Variants in DLC1 observed in about 807,000 individuals in gnomAD.
The protein encoded by DLC1 is DLC1 Rho GTPase activating protein.
Under a neutral mutation model 140.3 loss-of-function variants are expected in DLC1, and 54 were observed. The ratio of observed to expected loss-of-function variants is 0.38; its 90% confidence interval spans 0.31 to 0.48. The LOEUF (loss-of-function observed/expected upper bound fraction) is 0.48, where lower values mean the gene tolerates loss of function less well. Ranked by LOEUF, DLC1 falls within the 20% of genes least tolerant of loss-of-function variation. DLC1 has a pLI of 0.96. For missense variants in DLC1, 2,536 were observed against 1,907.0 expected (o/e 1.33, Z -6.14); for synonymous variants, 986 against 728.1 (o/e 1.35, Z -5.70).
At chr8:13,571,153 G>T (rs1188856817) in intron 1 of DLC1, among the ~76,000 whole-genome samples, 2 of 152,132 alleles carry the variant, frequency 1.3e-5, no homozygotes, top group Non-Finnish European at 2.9e-5. Context: ...GAACACCAAA[G>T]ATAGTTTATT....
chr8:13,487,388 C>G (rs1429138167), intron 2 of DLC1, among the ~76,000 whole-genome samples: 7 of 151,946 alleles, frequency 4.6e-5, no homozygotes, highest in Non-Finnish European at 8.8e-5. Flanking sequence ...ATTTTGTGCC[C>G]TAAATTGACA....
chr8:13,393,869 C>T (rs1280476764), intron 3 of DLC1, among the ~76,000 whole-genome samples, 176 bp from the exon 4 acceptor site: 3 of 152,158 alleles, frequency 2.0e-5, no homozygotes, highest in Non-Finnish European at 4.4e-5. Flanking sequence ...TTGGTAAGAA[C>T]CATTGTACTC....
At chr8:13,315,344 T>C (rs759210847) in intron 4 of DLC1, among the ~76,000 whole-genome samples, 1 of 152,338 alleles carries the variant, frequency 6.6e-6, no homozygotes, top group African/African-American at 2.4e-5. Flanking sequence ...AATCAAATAA[T>C]AGCCAAACAT....
chr8:13,246,959 T>C (rs998031262), intron 5 of DLC1, among the ~76,000 whole-genome samples: 9 of 152,090 alleles, frequency 5.9e-5, no homozygotes, highest in African/African-American at 2.2e-4. Flanking sequence ...ATTGCAAAAC[T>C]GTAATGAGCA....
chr8:13,199,985 TGAAA>T (rs1464976186), intron 5 of DLC1, among the ~76,000 whole-genome samples: 1 of 152,218 alleles, frequency 6.6e-6, no homozygotes, highest in African/African-American at 2.4e-5. Context: ...GGCAATGTTC[TGAAA>T]GAGTTAGATG....
chr8:13,165,752 A>G (rs146079367), intron 5 of DLC1, among the ~76,000 whole-genome samples: 3 of 152,278 alleles, frequency 2.0e-5, no homozygotes, highest in African/African-American at 7.2e-5. Flanking sequence ...AGGGCCGACC[A>G]CACATGAGTG....
intron 5 of DLC1, among the ~76,000 whole-genome samples, chr8:13,169,800 G>C (rs1201956791): frequency 1.3e-5 from 2 of 152,064 alleles, no homozygotes; most frequent in Admixed American, 6.5e-5. Flanking sequence ...AAGGTGGGGG[G>C]GTTGTTTAAG....
chr8:13,512,916 T>A (rs911461192), intron 1 of DLC1, among the ~76,000 whole-genome samples: 1 of 151,920 alleles, frequency 6.6e-6, no homozygotes, highest in Non-Finnish European at 1.5e-5. Context: ...GATTTTTTTT[T>A]AAAGTTAGGA....
chr8:13,537,275 C>A (rs1461787853), intron 1 of DLC1, among the ~76,000 whole-genome samples: 5 of 152,116 alleles, frequency 3.3e-5, no homozygotes, highest in African/African-American at 4.8e-5. Context: ...TAGTTGTGTT[C>A]AGGTTCTGCC....
At chr8:13,273,575 T>C (rs1218041832) in intron 5 of DLC1, among the ~76,000 whole-genome samples, 2 of 152,160 alleles carry the variant, frequency 1.3e-5, no homozygotes, top group Non-Finnish European at 2.9e-5. Flanking sequence ...AGGCTGCAGA[T>C]GCTTAAAAAT....
intron 4 of DLC1, among the ~76,000 whole-genome samples, chr8:13,335,618 G>A (rs529145999): frequency 1.3e-5 from 2 of 152,254 alleles, no homozygotes; most frequent in African/African-American, 4.8e-5. Flanking sequence ...CATCCTGTGG[G>A]CAAGCTGATG....
At chr8:13,217,005 C>A (rs1828235026) in intron 5 of DLC1, among the ~76,000 whole-genome samples, 1 of 152,036 alleles carries the variant, frequency 6.6e-6, no homozygotes. Flanking sequence ...GTTCTGTGCA[C>A]AATAAAGAAC....
chr8:13,418,601 T>A (rs1838178090), intron 2 of DLC1, among the ~76,000 whole-genome samples: 1 of 152,242 alleles, frequency 6.6e-6, no homozygotes, highest in Non-Finnish European at 1.5e-5. Flanking sequence ...AGTACCATGC[T>A]GTTTTGGTTA....
At position 13,100,156 on chromosome 8, in the gene DLC1, G is replaced by A. The variant is rs751818724; in HGVS notation, c.2181C>T (p.Pro727=). The change falls in exon 9 of 18, where the codon CCC becomes CCT. Residue 727 remains proline, a synonymous_variant. Transcript: ENST00000276297. Reference sequence around the variant, plus strand: ...TGGAAACGCTCCTCTTTCGTACCATGGGGACGTTGATGCGGTTGCCATTGA... The same window carrying A: ...TGGAAACGCTCCTCTTTCGTACCATAGGGACGTTGATGCGGTTGCCATTGA... ...SALNGNRINV[P]MVRKRSVSNS... is the part of the protein sequence containing the mutation. 5 of 1,614,016 alleles carry A rather than the reference G, an allele frequency of 3.1e-6. No individual in the cohort carries two copies. The Admixed American group carries it at 5.0e-5, about 16-fold the overall frequency.
intron 5 of DLC1, among the ~76,000 whole-genome samples, chr8:13,289,933 A>G (rs1274733921): frequency 6.6e-6 from 1 of 152,144 alleles, no homozygotes; most frequent in Non-Finnish European, 1.5e-5. Context: ...CTAATGGCAA[A>G]TATGTGCAAC....
intron 1 of DLC1, among the ~76,000 whole-genome samples, chr8:13,579,355 ATATATATT>A (rs1206918080): frequency 1.2e-4 from 3 of 25,320 alleles, no homozygotes; most frequent in Admixed American, 6.3e-4. Context: ...ATATATATAT[ATATATATT>A]TTTATATAAT....
intron 5 of DLC1, among the ~76,000 whole-genome samples, chr8:13,181,713 C>T (rs1826049178): frequency 6.6e-6 from 1 of 152,126 alleles, no homozygotes; most frequent in African/African-American, 2.4e-5. Flanking sequence ...ATATGTGCCA[C>T]ATTTTCTTAA....
chr8:13,117,675 C>A (rs1054183682), intron 5 of DLC1, among the ~76,000 whole-genome samples: 3 of 152,218 alleles, frequency 2.0e-5, no homozygotes, highest in Admixed American at 6.5e-5. Context: ...AGTAAATGTG[C>A]TTGCTTTCTT....
intron 2 of DLC1, among the ~76,000 whole-genome samples, chr8:13,450,994 G>A (rs1332907087): frequency 8.4e-5 from 10 of 119,742 alleles, no homozygotes; most frequent in South Asian, 2.9e-4. Flanking sequence ...AGCCAAGATC[G>A]TGTCACTGCA....
Sources: allele counts gnomAD v4.1 joint callset (sites outside exome capture counted in the v4.1 genomes callset), GRCh38; gene constraint gnomAD v4.1.1; transcripts MANE v1.5; gene names NCBI Gene and HGNC (gene_info 2026-07-23, HGNC 2026-07-21).